Variants in MTHFD1L observed in about 807,000 individuals in gnomAD.
MTHFD1L encodes the protein methylenetetrahydrofolate dehydrogenase (NADP+ dependent) 1 like.
In MTHFD1L, 81 loss-of-function variants were observed where a neutral mutation model predicts 119.5. The ratio of observed to expected loss-of-function variants is 0.68; its 90% confidence interval spans 0.57 to 0.82. MTHFD1L has a LOEUF of 0.82. Among genes scored for constraint, MTHFD1L ranks in the 40% least tolerant of loss-of-function variants. MTHFD1L has a pLI of 0.00. For synonymous variants in MTHFD1L, 430 were observed against 475.2 expected, an observed-to-expected ratio of 0.90 and a Z score of 1.24; for missense variants, 1,125 against 1,253.4, an observed-to-expected ratio of 0.90 and a Z score of 1.55.
At position 150,936,786 on chromosome 6, in the gene MTHFD1L, T is replaced by C. The variant is rs1305614374; in HGVS notation, c.1257-18T>C. On this transcript the variant is annotated intron_variant, in intron 11 of 27. Transcript: ENST00000367321. ...TCTGGGAAATATTATAAAATTCACT[T>C]TCTCCCCCCGAACTCAGGATCACAC... 6.2e-7 allele frequency: 1 copy of C among 1,605,990 alleles called. No individual in the cohort carries two copies. Among genetic ancestry groups the C allele is most frequent in the East Asian group, 2.2e-5 (1 of 44,572 alleles).
intron 19 of MTHFD1L, among the ~76,000 whole-genome samples, chr6:150,967,769 G>A (rs1405951376): frequency 4.0e-5 from 6 of 151,814 alleles, no homozygotes; most frequent in Non-Finnish European, 8.8e-5. Flanking sequence ...CTGCCAGCAC[G>A]CCCCACCTGC....
At position 150,872,376 on chromosome 6, in the gene MTHFD1L, A is replaced by G. The variant is rs529274479; in HGVS notation, c.228-3714A>G. On this transcript the variant is annotated intron_variant, in intron 1 of 27. Transcript: ENST00000367321. ...TTTTATTTAAAGTGAGAGACCTGCA[A>G]CTCTTCACTTGAACACTTAGAGGCC... 1.6e-3 allele frequency among the ~76,000 whole-genome samples: 243 copies of G among 152,016 alleles called. 3 individuals carry two copies. The highest frequency in any genetic ancestry group is 2.8e-3 in the Non-Finnish European group (190 of 67,978).
chr6:150,951,729 A>T (rs530294879), intron 16 of MTHFD1L, among the ~76,000 whole-genome samples: 3 of 152,042 alleles, frequency 2.0e-5, no homozygotes, highest in South Asian at 2.1e-4. Flanking sequence ...TTCTTTGAAA[A>T]TTTTTTTTAT....
chr6:150,975,617 C>T (rs1555181), intron 20 of MTHFD1L, among the ~76,000 whole-genome samples: 64,905 of 152,056 alleles, frequency 0.43, 15,900 homozygotes, highest in African/African-American at 0.63. Flanking sequence ...GTCACTCAGA[C>T]TTGAGCTCCT....
At chr6:150,866,282 C>T (rs1289492031) in intron 1 of MTHFD1L, 10 of 1,465,478 alleles carry the variant, frequency 6.8e-6, no homozygotes, top group African/African-American at 1.5e-5. Flanking sequence ...CGCAGGTGGG[C>T]GTGGGCATCT....
intron 1 of MTHFD1L, among the ~76,000 whole-genome samples, chr6:150,868,958 G>A (rs1261931752): frequency 6.6e-6 from 1 of 152,168 alleles, no homozygotes; most frequent in African/African-American, 2.4e-5. Flanking sequence ...CTACTCAGAA[G>A]GCTGAGGCAG....
chr6:151,030,236 C>G (rs970332415), intron 24 of MTHFD1L, among the ~76,000 whole-genome samples: 1 of 152,340 alleles, frequency 6.6e-6, no homozygotes, highest in African/African-American at 2.4e-5. Context: ...GGGCTGCATT[C>G]TCTCTGAGCC....
At chr6:151,042,612 GT>G (rs1467642926) in intron 26 of MTHFD1L, among the ~76,000 whole-genome samples, 16 of 152,106 alleles carry the variant, frequency 1.1e-4, no homozygotes, top group African/African-American at 3.6e-4. Flanking sequence ...TGGTCACATG[GT>G]TTTGATATTG....
intron 27 of MTHFD1L, among the ~76,000 whole-genome samples, chr6:151,095,312 A>G (rs969666706): frequency 6.6e-6 from 1 of 152,010 alleles, no homozygotes; most frequent in African/African-American, 2.4e-5. Flanking sequence ...AATAATTGCT[A>G]TTTCCCCAAT....
chr6:151,053,372 A>T (rs184653408), intron 26 of MTHFD1L, among the ~76,000 whole-genome samples: 4 of 152,328 alleles, frequency 2.6e-5, no homozygotes, highest in Admixed American at 1.3e-4. Context: ...GTACTTTAGC[A>T]TCCAAGAGAA....
chr6:151,094,168 C>T (rs9478946), intron 27 of MTHFD1L, among the ~76,000 whole-genome samples: 10,102 of 152,242 alleles, frequency 0.066, 1,096 homozygotes, highest in African/African-American at 0.23. Context: ...AAGCACCCCG[C>T]CTCCTTCTCC....
At chr6:151,016,422 A>C (rs1783061785) in intron 24 of MTHFD1L, among the ~76,000 whole-genome samples, 1 of 151,610 alleles carries the variant, frequency 6.6e-6, no homozygotes, top group South Asian at 2.1e-4. Context: ...TCCCAGGTTC[A>C]AGCACTTCTC....
chr6:151,059,192 G>A (rs1249507456), intron 26 of MTHFD1L, among the ~76,000 whole-genome samples: 1 of 151,222 alleles, frequency 6.6e-6, no homozygotes, highest in Non-Finnish European at 1.5e-5. Context: ...TAAACTGGTG[G>A]TGGTGGTGGT....
chr6:151,017,673 ACGC>A lies in MTHFD1L; in HGVS notation c.2586+1981_2586+1983del, dbSNP rs540720600. 1.4e-3 allele frequency among the ~76,000 whole-genome samples: 214 copies of A among 151,908 alleles called. 2 individuals are homozygous for A. Among genetic ancestry groups the A allele is most frequent in the African/African-American group, 5.0e-3 (206 of 41,424 alleles). On this transcript the variant is annotated intron_variant, in intron 24 of 27. Coordinates refer to ENST00000367321, the MANE Select transcript of MTHFD1L (RefSeq NM_015440.5). ...ATTTCCTTTATTTTTCGGGCTGAAT[ACGC>A]TCCCATTCTTTGGATATCCCACATT...
intron 27 of MTHFD1L, among the ~76,000 whole-genome samples, chr6:151,095,243 C>A (rs1381352413): frequency 6.6e-6 from 1 of 152,196 alleles, no homozygotes; most frequent in African/African-American, 2.4e-5. Context: ...GTTGTTTCAT[C>A]TTTTGGTGTG....
At chr6:151,034,141 A>G (rs1351715213) in intron 24 of MTHFD1L, among the ~76,000 whole-genome samples, 1 of 151,984 alleles carries the variant, frequency 6.6e-6, no homozygotes, top group East Asian at 1.9e-4. Flanking sequence ...AGATTGTGCC[A>G]CTGCACGACA....
chr6:150,954,904 C>A (rs1017112497), intron 16 of MTHFD1L, among the ~76,000 whole-genome samples: 7 of 152,070 alleles, frequency 4.6e-5, no homozygotes, highest in Admixed American at 4.6e-4. Flanking sequence ...CCACACCCAG[C>A]CAATAACTGA....
intron 19 of MTHFD1L, among the ~76,000 whole-genome samples, chr6:150,969,294 A>G (rs1477039500): frequency 2.6e-5 from 4 of 152,190 alleles, no homozygotes; most frequent in Non-Finnish European, 5.9e-5. Flanking sequence ...AGCACTTTTT[A>G]AAACATAATC....
chr6:150,931,834 T>G (rs942188710), intron 11 of MTHFD1L, among the ~76,000 whole-genome samples: 1 of 152,178 alleles, frequency 6.6e-6, no homozygotes. Flanking sequence ...CAGTTTTTAC[T>G]GTAACTGCCA....
Sources: allele counts gnomAD v4.1 joint callset (sites outside exome capture counted in the v4.1 genomes callset), GRCh38; gene constraint gnomAD v4.1.1; transcripts MANE v1.5; gene names NCBI Gene and HGNC (gene_info 2026-07-23, HGNC 2026-07-21).